The following SPINT2 variants were observed in gnomAD, a reference collection of about 807,000 sequenced individuals.
SPINT2 encodes the protein serine peptidase inhibitor, Kunitz type 2, also known as kunitz-type protease inhibitor 2.
In SPINT2, 18 loss-of-function variants were observed where a neutral mutation model predicts 30.1. That is an observed-to-expected ratio of 0.60 (90% CI 0.41 to 0.89). SPINT2 has a LOEUF of 0.89. Ranked by LOEUF, SPINT2 falls within the 40% of genes least tolerant of loss-of-function variation. SPINT2 has a pLI of 0.00. For missense variants in SPINT2, 276 were observed against 334.3 expected (o/e 0.83, Z 1.36); for synonymous variants, 139 against 137.9 (o/e 1.01, Z -0.05).
intron 1 of SPINT2, among the ~76,000 whole-genome samples, chr19:38,268,659 G>T (rs1208261339): frequency 6.6e-6 from 1 of 152,132 alleles, no homozygotes; most frequent in Non-Finnish European, 1.5e-5. Flanking sequence ...CCTTTGGCTT[G>T]TGACCCCTAC....
chr19:38,267,731 T>TC (rs1392439615), intron 1 of SPINT2, among the ~76,000 whole-genome samples: 16 of 151,826 alleles, frequency 1.1e-4, no homozygotes, highest in Admixed American at 1.1e-3. Flanking sequence ...TATAGAAATC[T>TC]CCAAGAATGA....
chr19:38,269,207 C>T (rs1600332098), intron 1 of SPINT2, among the ~76,000 whole-genome samples: 1 of 151,958 alleles, frequency 6.6e-6, no homozygotes, highest in East Asian at 1.9e-4. Flanking sequence ...ACATCATTCT[C>T]CTGCTTCAGC....
Position 38,290,002 on chromosome 19 carries a change from A to T in SPINT2, c.392-117A>T. 1 of 1,145,638 alleles carries T rather than the reference A, an allele frequency of 8.7e-7. No homozygotes were observed. The allele number at this position is 1,145,638 out of a possible 1,614,324, so 71.0% of individuals were successfully genotyped here. On this transcript the variant is annotated intron_variant, in intron 4 of 6. Transcript: ENST00000301244. The surrounding 1 kb of genome is among the most constrained non-coding windows in gnomAD (Gnocchi z 4.3). ...TTGGGTGTAATTTACAGGCTTCTTT[A>T]CCAGAGAGATGTTTCTCCGTCTGCT...
intron 3 of SPINT2, 108 bp downstream of exon 3, chr19:38,288,043 T>G: frequency 2.2e-6 from 3 of 1,394,258 alleles, no homozygotes; most frequent in Non-Finnish European, 2.0e-6. Context: ...ATGGTTCTGT[T>G]TACTCAAAAT....
intron 2 of SPINT2, among the ~76,000 whole-genome samples, chr19:38,286,328 A>G (rs1968640580): frequency 1.3e-5 from 2 of 152,204 alleles, no homozygotes; most frequent in Admixed American, 1.3e-4. Flanking sequence ...TCTCTAGTCC[A>G]GTTGCCAGAA....
chr19:38,285,601 A>G (rs1399889251), intron 2 of SPINT2, among the ~76,000 whole-genome samples: 1 of 152,176 alleles, frequency 6.6e-6, no homozygotes. Context: ...TGCCTCCCAA[A>G]GTGCTAGGAT....
chr19:38,278,780 T>C (rs1968547550), intron 1 of SPINT2, among the ~76,000 whole-genome samples: 1 of 152,076 alleles, frequency 6.6e-6, no homozygotes, highest in Non-Finnish European at 1.5e-5. Context: ...CCAGCCTGGG[T>C]GACAGAGTAA....
chr19:38,279,819 A>G (rs1968560385), intron 1 of SPINT2, among the ~76,000 whole-genome samples: 1 of 152,000 alleles, frequency 6.6e-6, no homozygotes, highest in African/African-American at 2.4e-5. Flanking sequence ...ATGCCCAGCT[A>G]ATTTTTGTAT....
chr19:38,264,897 C>A lies in SPINT2; in HGVS notation c.5C>A (p.Ala2Glu). Residue 2 changes from alanine (A) to glutamate (E), a missense_variant, in exon 1 of 7, where the codon GCG becomes GAG. Physicochemically the swap from Ala to Glu is moderately radical, Grantham distance 107. Coordinates refer to ENST00000301244, the MANE Select transcript of SPINT2 (RefSeq NM_021102.4). ...CGCGTCTCGGCTGAGCTGGCCATGG[C>A]GCAGCTGTGCGGGCTGAGGCGGAGC... Reference protein sequence around the residue: MAQLCGLRRSRA... With the variant: MEQLCGLRRSRA... 1 of 1,534,636 alleles carries A rather than the reference C, an allele frequency of 6.5e-7. No individual in the cohort carries two copies. The highest frequency in any genetic ancestry group is 8.7e-7 in the Non-Finnish European group (1 of 1,145,818).
chr19:38,264,803 A>T lies in SPINT2; in HGVS notation c.-90A>T, dbSNP rs1428575887. 2.2e-6 allele frequency: 3 copies of T among 1,365,220 alleles called. No individual in the cohort carries two copies. The highest frequency in any genetic ancestry group is 3.0e-6 in the Non-Finnish European group (3 of 999,224). 84.6% of individuals were successfully genotyped at this position (1,365,220 alleles called of 1,614,324 possible). ...TCGGCACCTGAACGCGAGGCGCTCCATTGCGCGTGCGCGTTGAGGGGCTTC... is the reference window on the plus strand; with the variant it reads ...TCGGCACCTGAACGCGAGGCGCTCCTTTGCGCGTGCGCGTTGAGGGGCTTC... On this transcript the variant is annotated 5_prime_UTR_variant, in exon 1 of 7. Transcript: ENST00000301244.
chr19:38,278,081 AG>A (rs1412321841), intron 1 of SPINT2, among the ~76,000 whole-genome samples: 2 of 152,222 alleles, frequency 1.3e-5, no homozygotes, highest in Admixed American at 1.3e-4. Context: ...TTCCTCATTA[AG>A]GAATAACTTT....
At chr19:38,281,214 G>T (rs112398169) in intron 1 of SPINT2, among the ~76,000 whole-genome samples, 1 of 152,114 alleles carries the variant, frequency 6.6e-6, no homozygotes, top group African/African-American at 2.4e-5. Flanking sequence ...TGTTCCAGGT[G>T]TACAGCCAGC....
At chr19:38,272,482 G>A (rs963012195) in intron 1 of SPINT2, among the ~76,000 whole-genome samples, 5 of 152,188 alleles carry the variant, frequency 3.3e-5, no homozygotes, top group Admixed American at 2.6e-4. Flanking sequence ...GCTTTCCTCA[G>A]TTCTGAAAAT....
intron 2 of SPINT2, among the ~76,000 whole-genome samples, chr19:38,285,526 G>T (rs1968630604): frequency 6.6e-6 from 1 of 152,008 alleles, no homozygotes; most frequent in Non-Finnish European, 1.5e-5. Context: ...TGTGTATTTG[G>T]TGAAGATGGA....
chr19:38,271,960 G>T (rs11671065), intron 1 of SPINT2, among the ~76,000 whole-genome samples: 2,393 of 152,288 alleles, frequency 0.016, 31 homozygotes, highest in Middle Eastern at 0.048. Context: ...ATGTGATACT[G>T]CTGGGCACAA....
At position 38,264,798 on chromosome 19, in the gene SPINT2, G is replaced by A; in HGVS notation, c.-95G>A. 1 of 1,320,720 alleles carries A rather than the reference G, an allele frequency of 7.6e-7. No individual in the cohort carries two copies. Among genetic ancestry groups the A allele is most frequent in the Non-Finnish European group, 1.0e-6 (1 of 960,900 alleles). The allele number at this position is 1,320,720 out of a possible 1,614,324, so 81.8% of individuals were successfully genotyped here. ...GAGCGTCGGCACCTGAACGCGAGGC[G>A]CTCCATTGCGCGTGCGCGTTGAGGG... On this transcript the variant is annotated 5_prime_UTR_variant, in exon 1 of 7. Coordinates refer to ENST00000301244, the MANE Select transcript of SPINT2 (RefSeq NM_021102.4).
chr19:38,282,848 G>A (rs1968594863), intron 1 of SPINT2, among the ~76,000 whole-genome samples: 1 of 152,248 alleles, frequency 6.6e-6, no homozygotes, highest in South Asian at 2.1e-4. Context: ...GGACAGGAAA[G>A]ATCAGGAAAA....
chr19:38,269,563 A>G (rs1248705531), intron 1 of SPINT2, among the ~76,000 whole-genome samples: 1 of 141,736 alleles, frequency 7.1e-6, no homozygotes, highest in African/African-American at 2.7e-5. Context: ...GCACCACCAC[A>G]CCCAGCTAAT....
At chr19:38,267,887 A>G (rs1224050627) in intron 1 of SPINT2, among the ~76,000 whole-genome samples, 3 of 151,988 alleles carry the variant, frequency 2.0e-5, no homozygotes, top group Non-Finnish European at 4.4e-5. Flanking sequence ...GATTTTGGGG[A>G]GGGTGGAGGG....
Sources: gnomAD v4.1 joint callset for allele counts (sites outside exome capture counted in the v4.1 genomes callset) on GRCh38, gnomAD v4.1.1 for gene constraint, Gnocchi (gnomAD v3.1) non-coding constraint, MANE v1.5 for transcripts, NCBI Gene and HGNC (gene_info 2026-07-23, HGNC 2026-07-21) for gene names.